The following C6orf141 variants were observed in gnomAD, a reference collection of about 807,000 sequenced individuals.
C6orf141 encodes the protein uncharacterized protein C6orf141.
For synonymous variants in C6orf141, 164 were observed against 140.5 expected, an observed-to-expected ratio of 1.17 and a Z score of -1.18; for missense variants, 361 against 335.8, an observed-to-expected ratio of 1.07 and a Z score of -0.59.
downstream of C6orf141, among the ~76,000 whole-genome samples, chr6:49,555,513 C>CTTTCTT (rs1771708933): frequency 7.5e-6 from 1 of 132,610 alleles, no homozygotes; most frequent in East Asian, 2.3e-4. Flanking sequence ...CCAGGCTAGT[C>CTTTCTT]TTTTTTTTTT....
At chr6:49,557,978 G>A (rs946962979) in intron 4 of C6orf141, among the ~76,000 whole-genome samples, 6 of 151,476 alleles carry the variant, frequency 4.0e-5, no homozygotes, top group Admixed American at 6.6e-5. Flanking sequence ...TGCAACCTCC[G>A]CCTCCCGGGT....
chr6:49,550,981 G>A lies in C6orf141; in HGVS notation c.189G>A (p.Glu63=), dbSNP rs1056982325. ...GCCGAAGCCAGGGCGGCGGCCACGAGGACAGAACGGCAGATCGGGCCCTCG... is the reference window on the plus strand; with the variant it reads ...GCCGAAGCCAGGGCGGCGGCCACGAAGACAGAACGGCAGATCGGGCCCTCG... ...GASRSQGGGH[E]DRTADRALGP... is the part of the protein sequence containing the mutation. Residue 63 remains glutamate (E), a synonymous_variant, in exon 1 of 1, where the codon GAG becomes GAA. Coordinates refer to ENST00000529246, the MANE Select transcript of C6orf141 (RefSeq NM_001145652.2). 2.8e-5 allele frequency: 43 copies of A among 1,550,900 alleles called. No individual in the cohort carries two copies. In the East Asian group the frequency reaches 1.0e-3, roughly 36 times the overall value.
rs992530842 is a variant in C6orf141, at chr6:49,551,673, A to G, written c.*146A>G. On this transcript the variant is annotated 3_prime_UTR_variant, in exon 1 of 1. Transcript: ENST00000529246. ...AGCGCTTCGGGGAGGCAGATTAAGA[A>G]CTGTAAGCAGCATAATACCTCCTTT... The G allele has an allele frequency of 6.8e-7, 1 of 1,462,680 alleles. No homozygotes were observed. The highest frequency in any genetic ancestry group is 1.4e-5 in the African/African-American group (1 of 69,816). The allele number at this position is 1,462,680 out of a possible 1,614,324, so 90.6% of individuals were successfully genotyped here.
At chr6:49,559,631 G>A (rs942896817) in intron 4 of C6orf141, among the ~76,000 whole-genome samples, 8 of 151,956 alleles carry the variant, frequency 5.3e-5, no homozygotes, top group African/African-American at 1.9e-4. Flanking sequence ...TGTGACCATT[G>A]GACCATCCTT....
chr6:49,557,301 G>A (rs1772142094), intron 4 of C6orf141, among the ~76,000 whole-genome samples: 1 of 152,186 alleles, frequency 6.6e-6, no homozygotes, highest in South Asian at 2.1e-4. Context: ...GTATTTTGAG[G>A]AGACTGCAGC....
At chr6:49,558,083 T>TTC (rs1772406429) in intron 4 of C6orf141, among the ~76,000 whole-genome samples, 1 of 144,336 alleles carries the variant, frequency 6.9e-6, no homozygotes. Context: ...TTTTTTTTTT[T>TTC]AGTAGAGACG....
chr6:49,560,310 A>G (rs2127325291), intron 4 of C6orf141, among the ~76,000 whole-genome samples: 1 of 152,086 alleles, frequency 6.6e-6, no homozygotes, highest in African/African-American at 2.4e-5. Flanking sequence ...GTGAGACTCC[A>G]TCTCAAAAAA....
chr6:49,557,573 A>G (rs570039346), intron 4 of C6orf141, among the ~76,000 whole-genome samples: 23 of 152,274 alleles, frequency 1.5e-4, no homozygotes, highest in Non-Finnish European at 1.2e-4. Flanking sequence ...TGCCCCTTTG[A>G]AATGTAAATC....
intron 4 of C6orf141, among the ~76,000 whole-genome samples, chr6:49,558,057 A>ATTTTTTTTTTTT (rs1772331964): frequency 2.3e-5 from 2 of 86,394 alleles, no homozygotes; most frequent in African/African-American, 9.0e-5. Context: ...ACACTCAAAT[A>ATTTTTTTTTTTT]TGTTTTTTTT....
At chr6:49,555,118 C>T (rs1042149233), downstream of C6orf141, 1 of 152,160 alleles carries the variant, frequency 6.6e-6, no homozygotes, top group Non-Finnish European at 1.5e-5. Context: ...CTCCAGTGAC[C>T]ATAAGATAAA....
rs187278544 is a variant in C6orf141 at position 49,559,747 on chromosome 6, C to T, written c.*764-1957C>T. ...AATTGGGTATCTTGAATTCAGCTTACTTGGAAGAGGAAAAAGGAGGCATAA... is the reference window on the plus strand; with the variant it reads ...AATTGGGTATCTTGAATTCAGCTTATTTGGAAGAGGAAAAAGGAGGCATAA... On this transcript the variant is annotated intron_variant and NMD_transcript_variant, in intron 4 of 4. Transcript: ENST00000371194. Among the ~76,000 whole-genome samples, 202 of 152,230 alleles carry T rather than the reference C, an allele frequency of 1.3e-3. 1 individual carries two copies. The highest frequency in any genetic ancestry group is 4.7e-3 in the African/African-American group (197 of 41,524).
chr6:49,552,479 G>A (rs1410678012), downstream of C6orf141: 1 of 152,200 alleles, frequency 6.6e-6, no homozygotes, highest in Non-Finnish European at 1.5e-5. Context: ...TGGCCTGGTT[G>A]AAGCTCTGTG....
intron 4 of C6orf141, among the ~76,000 whole-genome samples, chr6:49,558,403 G>A (rs1772485299): frequency 4.1e-5 from 1 of 24,320 alleles, no homozygotes; most frequent in Non-Finnish European, 1.5e-4. Flanking sequence ...GCCCTGAGTT[G>A]GAAAAAAAAA....
Position 49,551,476 on chromosome 6 carries a change from G to T in C6orf141, c.684G>T (p.Gly228=), listed in dbSNP as rs1481228107. 1 of 1,551,472 alleles carries T rather than the reference G, an allele frequency of 6.4e-7. No homozygotes were observed. The highest frequency in any genetic ancestry group is 8.7e-7 in the Non-Finnish European group (1 of 1,146,992). The part of the protein sequence containing the change: ...RTGASRVHAA[G]RRVSPSPGTW... ...GGGCATCCCGCGTCCACGCCGCGGGGAGGAGGGTTTCACCGTCTCCAGGGA... is the reference window on the plus strand; with the variant it reads ...GGGCATCCCGCGTCCACGCCGCGGGTAGGAGGGTTTCACCGTCTCCAGGGA... The change falls in exon 1 of 1, where the codon GGG becomes GGT. Residue 228 remains glycine, a synonymous_variant. Transcript: ENST00000529246.
At position 49,551,800 on chromosome 6, in the gene C6orf141, A is replaced by C; in HGVS notation, c.*273A>C. ...GAATGTGGGAGTTTTGAAATGAGAA[A>C]ACCTGTTGTTAATTTGCATTTTGGA... On this transcript the variant is annotated 3_prime_UTR_variant, in exon 1 of 1. Transcript: ENST00000529246. 1 of 1,303,394 alleles carries C rather than the reference A, an allele frequency of 7.7e-7. No homozygotes were observed. Among genetic ancestry groups the C allele is most frequent in the South Asian group, 1.9e-5 (1 of 53,592 alleles). The allele number at this position is 1,303,394 out of a possible 1,614,324, so 80.7% of individuals were successfully genotyped here.
At chr6:49,554,995 C>A (rs1176639030), downstream of C6orf141, 5 of 152,288 alleles carry the variant, frequency 3.3e-5, no homozygotes, top group Admixed American at 2.0e-4. Context: ...ACTAAGAAAT[C>A]TCTGAGAATG....
intron 4 of C6orf141, chr6:49,561,701 T>C (rs1773336934): frequency 1.3e-5 from 2 of 151,998 alleles, no homozygotes; most frequent in African/African-American, 4.8e-5. Flanking sequence ...TCTTAAAAAA[T>C]AGAGATGGAG....
chr6:49,550,884 CT>C, exon 1 of C6orf141: 2 of 1,521,350 alleles, frequency 1.3e-6, no homozygotes, highest in Admixed American at 2.4e-5. Flanking sequence ...GACCTCGGGC[CT>C]TTTCCGCGGG....
chr6:49,561,683 T>TA (rs1337836723), intron 4 of C6orf141: 1 of 152,124 alleles, frequency 6.6e-6, no homozygotes, highest in Admixed American at 6.5e-5. Context: ...AATTAAAACT[T>TA]ATTCTTTTCT....
Sources: allele counts gnomAD v4.1 joint callset (sites outside exome capture counted in the v4.1 genomes callset), GRCh38; gene constraint gnomAD v4.1.1; transcripts MANE v1.5; gene names NCBI Gene and HGNC (gene_info 2026-07-23, HGNC 2026-07-21).